The following JAKMIP1 variants were observed in gnomAD, a reference collection of about 807,000 sequenced individuals.
The protein encoded by JAKMIP1 is janus kinase and microtubule interacting protein 1.
Under a neutral mutation model 113.0 loss-of-function variants are expected in JAKMIP1, and 33 were observed. That is an observed-to-expected ratio of 0.29 (90% CI 0.22 to 0.39). The LOEUF is 0.39. JAKMIP1 is among the 10% of genes least tolerant of loss of function. JAKMIP1 has a pLI of 1.00. For missense variants in JAKMIP1, 813 were observed against 1,080.5 expected (o/e 0.75, Z 3.47); for synonymous variants, 480 against 459.9 (o/e 1.04, Z -0.56).
At position 6,141,210 on chromosome 4, in the gene JAKMIP1, C is replaced by A. The variant is rs999130312; in HGVS notation, c.-147-28213G>T. Among the ~76,000 whole-genome samples, 1 of 152,142 alleles carries A rather than the reference C, an allele frequency of 6.6e-6. No homozygotes were observed. The highest frequency in any genetic ancestry group is 6.5e-5 in the Admixed American group (1 of 15,272). On this transcript the variant is annotated intron_variant, in intron 1 of 20. Coordinates refer to ENST00000409021, the MANE Select transcript of JAKMIP1 (RefSeq NM_001099433.2). This position sits in a 1 kb window ranked among gnomAD's most constrained non-coding sequence, Gnocchi z 9.4. ...CAACACTTTGGGATGCTGAGGCAGGCAGATCACTTGAGCCCAGGAATTCGA... is the reference window on the plus strand; with the variant it reads ...CAACACTTTGGGATGCTGAGGCAGGAAGATCACTTGAGCCCAGGAATTCGA...
rs139749020 is a variant in JAKMIP1, at chr4:6,039,629, C to T, written c.2175+1010G>A. Among the ~76,000 whole-genome samples the T allele has an allele frequency of 4.4e-3, 663 of 152,220 alleles. 2 individuals are homozygous for T. Among genetic ancestry groups the T allele is most frequent in the Non-Finnish European group, 7.1e-3 (482 of 68,018 alleles). On this transcript the variant is annotated intron_variant, in intron 18 of 20. Coordinates refer to ENST00000409021, the MANE Select transcript of JAKMIP1 (RefSeq NM_001099433.2). ...TACTGAAATGTCGTGTAACCAGAAACGATAGCCCAGAGGGAAATGCTGTGT... is the reference window on the plus strand; with the variant it reads ...TACTGAAATGTCGTGTAACCAGAAATGATAGCCCAGAGGGAAATGCTGTGT...
intron 1 of JAKMIP1, among the ~76,000 whole-genome samples, chr4:6,130,959 A>G (rs535653485): frequency 6.6e-6 from 1 of 152,068 alleles, no homozygotes; most frequent in African/African-American, 2.4e-5. Flanking sequence ...AAATTGCTTG[A>G]CCCCAGGAGT....
intron 1 of JAKMIP1, among the ~76,000 whole-genome samples, chr4:6,152,180 G>A (rs1470513102): frequency 2.6e-5 from 4 of 151,866 alleles, no homozygotes; most frequent in African/African-American, 9.7e-5. Flanking sequence ...CAGGGAGGGA[G>A]GAAGTCAAAT....
rs2109032378 is a variant in JAKMIP1, at chr4:6,176,598, G to T, written c.-148+23655C>A. ...CAATGGGGTCAGGGAATTAAGGGCTGGGAGATAACTCCATGTTTACAAATG... is the reference window on the plus strand; with the variant it reads ...CAATGGGGTCAGGGAATTAAGGGCTTGGAGATAACTCCATGTTTACAAATG... On this transcript the variant is annotated intron_variant, in intron 1 of 20. Transcript: ENST00000409021. The surrounding 1 kb of genome is among the most constrained non-coding windows in gnomAD (Gnocchi z 5.5). Among the ~76,000 whole-genome samples, 1 of 152,276 alleles carries T rather than the reference G, an allele frequency of 6.6e-6. No homozygotes were observed. The highest frequency in any genetic ancestry group is 2.1e-4 in the South Asian group (1 of 4,826).
At chr4:6,066,026 G>C (rs1202369765) in intron 8 of JAKMIP1, among the ~76,000 whole-genome samples, 1 of 152,066 alleles carries the variant, frequency 6.6e-6, no homozygotes, top group Non-Finnish European at 1.5e-5. Flanking sequence ...CCCCGACAAG[G>C]ATTTTTATTT....
At chr4:6,071,338 G>A (rs1718927076) in intron 8 of JAKMIP1, among the ~76,000 whole-genome samples, 1 of 152,260 alleles carries the variant, frequency 6.6e-6, no homozygotes, top group Admixed American at 6.5e-5. Flanking sequence ...CCCAGGCAGT[G>A]CAGACTTGAG....
chr4:6,124,539 G>A (rs1329598489), intron 1 of JAKMIP1, among the ~76,000 whole-genome samples: 1 of 152,184 alleles, frequency 6.6e-6, no homozygotes, highest in Non-Finnish European at 1.5e-5. Flanking sequence ...CTGCATTCGT[G>A]TGACACAGTG....
chr4:6,199,448 G>T lies in JAKMIP1; in HGVS notation c.-148+805C>A, dbSNP rs978373865. ...AGGGGCTGGGAGGCGAGGCCGCAGC[G>T]CACTGACGCAGGCCAGCGAGGCCGC... On this transcript the variant is annotated intron_variant, in intron 1 of 20. Transcript: ENST00000409021. This position sits in a 1 kb window ranked among gnomAD's most constrained non-coding sequence, Gnocchi z 5.6. Among the ~76,000 whole-genome samples, 1 of 152,220 alleles carries T rather than the reference G, an allele frequency of 6.6e-6. No homozygotes were observed. Among genetic ancestry groups the T allele is most frequent in the Non-Finnish European group, 1.5e-5 (1 of 68,020 alleles).
At chr4:6,027,932 G>T (rs1035398587) in intron 20 of JAKMIP1, among the ~76,000 whole-genome samples, 1 of 152,236 alleles carries the variant, frequency 6.6e-6, no homozygotes, top group Non-Finnish European at 1.5e-5. Flanking sequence ...AGCTACCTGG[G>T]AGATGGGAAG....
chr4:6,073,687 G>C (rs1578158353), intron 8 of JAKMIP1, among the ~76,000 whole-genome samples: 1 of 152,278 alleles, frequency 6.6e-6, no homozygotes, highest in Non-Finnish European at 1.5e-5. Context: ...AGATCCCATG[G>C]ATATAATGTT....
chr4:6,028,223 T>C (rs1712114699), intron 20 of JAKMIP1, among the ~76,000 whole-genome samples: 1 of 152,236 alleles, frequency 6.6e-6, no homozygotes, highest in African/African-American at 2.4e-5. Flanking sequence ...CCAATTATAC[T>C]TGAGACCCCC....
In JAKMIP1 at chr4:6,135,024, G is replaced by A. The variant is rs1025222661; in HGVS notation, c.-147-22027C>T. Among the ~76,000 whole-genome samples the A allele has an allele frequency of 6.6e-6, 1 of 152,186 alleles. No homozygotes were observed. Among genetic ancestry groups the A allele is most frequent in the Non-Finnish European group, 1.5e-5 (1 of 68,032 alleles). On this transcript the variant is annotated intron_variant, in intron 1 of 20. Transcript: ENST00000409021. This position sits in a 1 kb window ranked among gnomAD's most constrained non-coding sequence, Gnocchi z 4.9. ...GGCAGGCCCTGGACATGTAGAGATG[G>A]CAGGTGTAGGGCTCGTGTATCTCTG...
intron 11 of JAKMIP1, among the ~76,000 whole-genome samples, chr4:6,057,983 C>T (rs1048387989): frequency 3.3e-5 from 5 of 152,382 alleles, no homozygotes; most frequent in African/African-American, 1.2e-4. Flanking sequence ...CAAATAGAAC[C>T]CCTGCTGTTC....
rs536708031 is a variant in JAKMIP1 at position 6,031,894 on chromosome 4, G to A, written c.2380-2113C>T. Among the ~76,000 whole-genome samples, 6 of 152,234 alleles carry A rather than the reference G, an allele frequency of 3.9e-5. No homozygotes were observed. Among genetic ancestry groups the A allele is most frequent in the South Asian group, 4.1e-4 (2 of 4,830 alleles). ...GTACCAAGTGTTTAGAGCAGAGCTTGGCATTGAGCACTCCATATGTTATTT... is the reference window on the plus strand; with the variant it reads ...GTACCAAGTGTTTAGAGCAGAGCTTAGCATTGAGCACTCCATATGTTATTT... On this transcript the variant is annotated intron_variant, in intron 19 of 20. Coordinates refer to ENST00000409021, the MANE Select transcript of JAKMIP1 (RefSeq NM_001099433.2). This position sits in a 1 kb window ranked among gnomAD's most constrained non-coding sequence, Gnocchi z 4.4.
At chr4:6,196,859 C>CAA (rs68110058) in intron 1 of JAKMIP1, among the ~76,000 whole-genome samples, 7 of 136,128 alleles carry the variant, frequency 5.1e-5, no homozygotes, top group African/African-American at 1.1e-4. Context: ...GAAACTCTGT[C>CAA]AAAAAAAAAA....
rs1314748932 is a variant in JAKMIP1, at chr4:6,089,362, G to A, written c.625-3733C>T. The stretch of plus-strand genomic sequence containing the variant: ...AGAATCACAATCAACAGAGTTCAGG[G>A]AAGAACGACAAACTTGATGTTGGCT... On this transcript the variant is annotated intron_variant, in intron 3 of 20. Transcript: ENST00000409021. The surrounding 1 kb of genome is among the most constrained non-coding windows in gnomAD (Gnocchi z 5.3). Among the ~76,000 whole-genome samples, 1 of 152,214 alleles carries A rather than the reference G, an allele frequency of 6.6e-6. No homozygotes were observed. Among genetic ancestry groups the A allele is most frequent in the Non-Finnish European group, 1.5e-5 (1 of 68,032 alleles).
In JAKMIP1 at chr4:6,181,862, T is replaced by C. The variant is rs1481119392; in HGVS notation, c.-148+18391A>G. On this transcript the variant is annotated intron_variant, in intron 1 of 20. Coordinates refer to ENST00000409021, the MANE Select transcript of JAKMIP1 (RefSeq NM_001099433.2). The surrounding 1 kb of genome is among the most constrained non-coding windows in gnomAD (Gnocchi z 5.4). ...TGGCATCAGTCACACACTGTGACCATGGCTGTGACAGACAGATGTACAGGG... is the reference window on the plus strand; with the variant it reads ...TGGCATCAGTCACACACTGTGACCACGGCTGTGACAGACAGATGTACAGGG... Among the ~76,000 whole-genome samples the C allele has an allele frequency of 1.3e-5, 2 of 152,056 alleles. No homozygotes were observed. Among genetic ancestry groups the C allele is most frequent in the Non-Finnish European group, 2.9e-5 (2 of 68,012 alleles).
Position 6,106,106 on chromosome 4 carries a change from C to A in JAKMIP1, c.130-139G>T. 1 of 619,842 alleles carries A rather than the reference C, an allele frequency of 1.6e-6. No individual in the cohort carries two copies. The highest frequency in any genetic ancestry group is 2.8e-6 in the Non-Finnish European group (1 of 356,136). The allele number at this position is 619,842 out of a possible 1,614,324, so 38.4% of individuals were successfully genotyped here. ...TGGGCCCACGTTCCCATGGATTCCC[C>A]CTTCGGCAGTGCCCTGCAGGCCTGA... On this transcript the variant is annotated intron_variant, in intron 2 of 20. Transcript: ENST00000409021. The surrounding 1 kb of genome is among the most constrained non-coding windows in gnomAD (Gnocchi z 5.9).
At chr4:6,043,112 G>A (rs182931660) in intron 16 of JAKMIP1, among the ~76,000 whole-genome samples, 147 of 152,110 alleles carry the variant, frequency 9.7e-4, no homozygotes, top group Non-Finnish European at 1.8e-3. Flanking sequence ...AGGGGTGTCC[G>A]GGTTTGACAA....
Sources: allele counts gnomAD v4.1 joint callset (sites outside exome capture counted in the v4.1 genomes callset), GRCh38; gene constraint gnomAD v4.1.1; non-coding constraint Gnocchi (gnomAD v3.1); transcripts MANE v1.5; gene names NCBI Gene and HGNC (gene_info 2026-07-23, HGNC 2026-07-21).